Variants in VSIR observed in about 807,000 individuals in gnomAD.
The protein encoded by VSIR is V-type immunoglobulin domain-containing suppressor of T-cell activation.
In VSIR, 10 loss-of-function variants were observed where a neutral mutation model predicts 31.0. That is an observed-to-expected ratio of 0.32 (90% CI 0.20 to 0.55). The LOEUF (loss-of-function observed/expected upper bound fraction) is 0.55. Among genes scored for constraint, VSIR ranks in the 20% least tolerant of loss-of-function variants. The probability of loss-of-function intolerance (pLI) is 0.93; values close to 1 mark genes in which losing one functional copy is unlikely to be tolerated. For missense variants in VSIR, 356 were observed against 416.2 expected (o/e 0.86, Z 1.26); for synonymous variants, 179 against 180.1 (o/e 0.99, Z 0.05).
chr10:71,762,620 C>G (rs1314912544), intron 1 of VSIR, among the ~76,000 whole-genome samples: 2 of 152,230 alleles, frequency 1.3e-5, no homozygotes, highest in African/African-American at 4.8e-5. Flanking sequence ...AATGCCAGCC[C>G]TCAGGGCACT....
chr10:71,763,705 T>C (rs1038501969), intron 1 of VSIR, among the ~76,000 whole-genome samples: 1 of 152,184 alleles, frequency 6.6e-6, no homozygotes, highest in Admixed American at 6.5e-5. Flanking sequence ...CAACGGTTAG[T>C]AATAATTCAC....
At chr10:71,759,805 G>C (rs1214616554) in intron 3 of VSIR, among the ~76,000 whole-genome samples, 2 of 118,528 alleles carry the variant, frequency 1.7e-5, no homozygotes, top group African/African-American at 7.1e-5. Context: ...GAGTGAAACC[G>C]TGTTTCAGAA....
intron 1 of VSIR, among the ~76,000 whole-genome samples, chr10:71,764,254 A>G (rs1840473028): frequency 6.6e-6 from 1 of 152,226 alleles, no homozygotes; most frequent in African/African-American, 2.4e-5. Flanking sequence ...TTTCATGGGC[A>G]TATCTAACAA....
chr10:71,759,173 G>T (rs1043514397), intron 3 of VSIR, among the ~76,000 whole-genome samples: 1 of 151,990 alleles, frequency 6.6e-6, no homozygotes, highest in African/African-American at 2.4e-5. Context: ...GAGTAGCTGG[G>T]ACTACAGGCG....
intron 4 of VSIR, chr10:71,753,782 G>C (rs1340481292): frequency 2.2e-6 from 1 of 456,316 alleles, no homozygotes; most frequent in East Asian, 6.9e-5. Flanking sequence ...GATGGTGGGG[G>C]AGGGGCACAA....
intron 1 of VSIR, among the ~76,000 whole-genome samples, chr10:71,763,333 T>C (rs887257800): frequency 2.6e-5 from 4 of 152,232 alleles, no homozygotes; most frequent in Non-Finnish European, 5.9e-5. Context: ...TTAAATGGCA[T>C]GTCAGGCTGT....
At chr10:71,768,165 CTGT>C (rs754193241) in intron 1 of VSIR, among the ~76,000 whole-genome samples, 17 of 151,612 alleles carry the variant, frequency 1.1e-4, no homozygotes, top group East Asian at 3.9e-4. Flanking sequence ...GGCTTTGTTG[CTGT>C]TGTTGTTGTT....
intron 3 of VSIR, among the ~76,000 whole-genome samples, chr10:71,756,489 G>A (rs1486583898): frequency 6.6e-6 from 1 of 152,204 alleles, no homozygotes. Flanking sequence ...GGCTCACTCA[G>A]CAAGGAAATC....
Position 71,761,629 on chromosome 10 carries a change from G to A in VSIR, c.480C>T (p.Val160=), listed in dbSNP as rs376085614. ...GCACCTGCAGCTCCATGGCACCATG[G>A]ACCCTGTGCTCCGAGTGGTGGTGCC... The part of the protein sequence containing the change: ...EIRHHHSEHR[V]HGAMELQVQT... Residue 160 remains valine, a synonymous_variant, in exon 2 of 7, where the codon GTC becomes GTT. Transcript: ENST00000394957. The A allele has an allele frequency of 7.5e-6, 12 of 1,607,836 alleles. No individual in the cohort carries two copies. Among genetic ancestry groups the A allele is most frequent in the Middle Eastern group, 1.7e-4 (1 of 5,910 alleles).
At chr10:71,762,267 G>A (rs1273259311) in intron 1 of VSIR, among the ~76,000 whole-genome samples, 1 of 152,244 alleles carries the variant, frequency 6.6e-6, no homozygotes, top group Non-Finnish European at 1.5e-5. Flanking sequence ...GACAGGGCAG[G>A]GAGAGACTTG....
chr10:71,750,923 TGTCTC>T lies in VSIR; in HGVS notation c.*325_*329del. ...TGATGCTGCCACATCCCAAGGCTCA[TGTCTC>T]AGAACGAGAGCTGCTGAAGGGCTGG... On this transcript the variant is annotated 3_prime_UTR_variant, in exon 7 of 7. Coordinates refer to ENST00000394957, the MANE Select transcript of VSIR (RefSeq NM_022153.2). 1 of 270,018 alleles carries T rather than the reference TGTCTC, an allele frequency of 3.7e-6. No individual in the cohort carries two copies. The highest frequency in any genetic ancestry group is 7.0e-6 in the Non-Finnish European group (1 of 142,940). The allele number at this position is 270,018 out of a possible 1,614,324, so 16.7% of individuals were successfully genotyped here.
chr10:71,769,661 G>A (rs1840642692), intron 1 of VSIR, among the ~76,000 whole-genome samples: 1 of 152,206 alleles, frequency 6.6e-6, no homozygotes, highest in Non-Finnish European at 1.5e-5. Flanking sequence ...GGGGAAGTGT[G>A]TGTTTGTGTT....
At chr10:71,770,116 G>A (rs866893946) in intron 1 of VSIR, among the ~76,000 whole-genome samples, 1 of 152,196 alleles carries the variant, frequency 6.6e-6, no homozygotes, top group Non-Finnish European at 1.5e-5. Flanking sequence ...GCCTTCCCAG[G>A]CCCTGGGCAC....
intron 3 of VSIR, among the ~76,000 whole-genome samples, chr10:71,759,846 C>CACACACACACACACAA: frequency 1.7e-5 from 1 of 59,966 alleles, no homozygotes; most frequent in African/African-American, 6.0e-5. Context: ...CACACACACA[C>CACACACACACACACAA]ATATACACAC....
intron 4 of VSIR, 54 bp downstream of exon 4, chr10:71,755,305 C>T: frequency 6.7e-7 from 1 of 1,483,736 alleles, no homozygotes; most frequent in Admixed American, 1.9e-5. Context: ...GAACTGGGGG[C>T]TGGAGCAGGT....
At chr10:71,755,508 A>G (rs1589399531) in intron 3 of VSIR, 42 bp from the exon 4 acceptor site, 3 of 1,549,054 alleles carry the variant, frequency 1.9e-6, no homozygotes, top group Admixed American at 3.7e-5. Context: ...CCCCATTCCC[A>G]TTGCTCCTCC....
Position 71,756,836 on chromosome 10 carries a change from A to T in VSIR, c.569-1370T>A, listed in dbSNP as rs561995706. 7.2e-5 allele frequency among the ~76,000 whole-genome samples: 11 copies of T among 152,290 alleles called. No homozygotes were observed. The South Asian group carries it at 2.1e-3, about 29-fold the overall frequency. On this transcript the variant is annotated intron_variant, in intron 3 of 6. Transcript: ENST00000394957. ...GTGGTCTAAATGTTGCCTTTCCGCTATTTGTTTGGGAATAAAGGCTGTTTT... is the reference window on the plus strand; with the variant it reads ...GTGGTCTAAATGTTGCCTTTCCGCTTTTTGTTTGGGAATAAAGGCTGTTTT...
chr10:71,773,480 G>C lies in VSIR; in HGVS notation c.-41C>G. On this transcript the variant is annotated 5_prime_UTR_variant, in exon 1 of 7. Transcript: ENST00000394957. ...GCAGAGGAACTTCTGGTGCCGGGGA[G>C]CGGGCGGGACGCGGCCGGCGCGGGG... 1 of 1,553,616 alleles carries C rather than the reference G, an allele frequency of 6.4e-7. No homozygotes were observed. Among genetic ancestry groups the C allele is most frequent in the South Asian group, 1.2e-5 (1 of 85,570 alleles).
intron 2 of VSIR, among the ~76,000 whole-genome samples, chr10:71,761,308 T>C (rs982842037): frequency 6.6e-6 from 1 of 152,200 alleles, no homozygotes; most frequent in South Asian, 2.1e-4. Context: ...GCAGCCATGA[T>C]GTCATCATGA....
Sources: allele counts gnomAD v4.1 joint callset (sites outside exome capture counted in the v4.1 genomes callset), GRCh38; gene constraint gnomAD v4.1.1; transcripts MANE v1.5; gene names NCBI Gene and HGNC (gene_info 2026-07-23, HGNC 2026-07-21).